The following GRIK2 variants were observed in gnomAD, a reference collection of about 807,000 sequenced individuals.
The protein encoded by GRIK2 is glutamate ionotropic receptor kainate type subunit 2.
GRIK2 carries 32 observed loss-of-function variants against 100.3 expected under a neutral mutation model. The observed-to-expected ratio is 0.32, with a 90% CI of 0.24 to 0.43. The LOEUF (loss-of-function observed/expected upper bound fraction) is 0.43, where lower values mean the gene tolerates loss of function less well. Among genes scored for constraint, GRIK2 ranks in the 20% least tolerant of loss-of-function variants. The pLI is 1.00. For missense variants in GRIK2, 843 were observed against 1,114.9 expected (o/e 0.76, Z 3.47); for synonymous variants, 417 against 389.4 (o/e 1.07, Z -0.83).
At chr6:101,584,373 C>A (rs1361053759) in intron 2 of GRIK2, among the ~76,000 whole-genome samples, 2 of 151,940 alleles carry the variant, frequency 1.3e-5, no homozygotes, top group Non-Finnish European at 2.9e-5. Context: ...AAAATCAATT[C>A]TCAGGTTTTC....
chr6:101,591,655 T>C (rs1169925510), intron 2 of GRIK2, among the ~76,000 whole-genome samples: 2 of 152,026 alleles, frequency 1.3e-5, no homozygotes, highest in Non-Finnish European at 2.9e-5. Flanking sequence ...ACAGTGATGT[T>C]AACAATAAGA....
chr6:101,812,031 A>C (rs1187760103), intron 9 of GRIK2, among the ~76,000 whole-genome samples: 1 of 151,496 alleles, frequency 6.6e-6, no homozygotes, highest in Non-Finnish European at 1.5e-5. Flanking sequence ...TATTTAAAAT[A>C]CTTATAAAAT....
At chr6:101,760,688 A>T (rs866224043) in intron 7 of GRIK2, among the ~76,000 whole-genome samples, 2 of 70,326 alleles carry the variant, frequency 2.8e-5, no homozygotes, top group Non-Finnish European at 4.3e-5. Flanking sequence ...ATTTAATTAT[A>T]TATAATTATA....
At chr6:101,984,796 C>T (rs1793927128) in intron 14 of GRIK2, among the ~76,000 whole-genome samples, 1 of 151,586 alleles carries the variant, frequency 6.6e-6, no homozygotes, top group Admixed American at 6.6e-5. Flanking sequence ...CTATATCGGA[C>T]CCCAATAATG....
intron 5 of GRIK2, among the ~76,000 whole-genome samples, chr6:101,680,654 T>C (rs1771175178): frequency 6.6e-6 from 1 of 152,190 alleles, no homozygotes; most frequent in Non-Finnish European, 1.5e-5. Flanking sequence ...CAATTACCTT[T>C]ATCTCTAGTT....
In GRIK2 at chr6:101,952,770, T is replaced by A. The variant is rs7757395; in HGVS notation, c.2085+24138T>A. 2.1e-3 allele frequency among the ~76,000 whole-genome samples: 316 copies of A among 152,106 alleles called. 1 individual carries two copies. The highest frequency in any genetic ancestry group is 7.3e-3 in the African/African-American group (304 of 41,498). On this transcript the variant is annotated intron_variant, in intron 14 of 16. Coordinates refer to ENST00000369134, the MANE Select transcript of GRIK2 (RefSeq NM_021956.5). ...GGTGCCCGCCACCACACCCAGCTAA[T>A]TTTTTGTATTTTTAGTAGAGACGGG...
rs563286702 is a variant in GRIK2 at position 101,854,254 on chromosome 6, A to G, written c.1318-5033A>G. Among the ~76,000 whole-genome samples, 7 of 152,090 alleles carry G rather than the reference A, an allele frequency of 4.6e-5. No individual in the cohort carries two copies. In the South Asian group the frequency reaches 1.0e-3, roughly 23 times the overall value. On this transcript the variant is annotated intron_variant, in intron 10 of 16. Coordinates refer to ENST00000369134, the MANE Select transcript of GRIK2 (RefSeq NM_021956.5). Reference sequence around the variant, plus strand: ...TGAACCTAAAATTGCTAGAAAAATTAAGTCTATTAATTAATTAATTAATTT... The same window carrying G: ...TGAACCTAAAATTGCTAGAAAAATTGAGTCTATTAATTAATTAATTAATTT...
chr6:101,538,889 C>T (rs1775854196), intron 2 of GRIK2, among the ~76,000 whole-genome samples: 1 of 151,674 alleles, frequency 6.6e-6, no homozygotes, highest in South Asian at 2.1e-4. Context: ...CCTTTGTCAG[C>T]TTAGAATTCC....
chr6:102,043,274 T>TTATC (rs57279645), intron 15 of GRIK2, among the ~76,000 whole-genome samples: 47,827 of 151,472 alleles, frequency 0.32, 7,546 homozygotes, highest in African/African-American at 0.36. Context: ...CCTCAGATAC[T>TTATC]TTTTTATGGT....
At position 101,527,063 on chromosome 6, in the gene GRIK2, C is replaced by G. The variant is rs889641930; in HGVS notation, c.116-94886C>G. Among the ~76,000 whole-genome samples, 5 of 152,164 alleles carry G rather than the reference C, an allele frequency of 3.3e-5. No individual in the cohort carries two copies. In the East Asian group the frequency reaches 9.6e-4, roughly 29 times the overall value. On this transcript the variant is annotated intron_variant, in intron 2 of 16. Transcript: ENST00000369134. ...GCTTCCAGCAAAGTCTGGCCCTACC[C>G]TTTCAGAGAGTGGACAGATTATAAA...
intron 14 of GRIK2, 124 bp from the exon 15 acceptor site, chr6:102,035,217 C>A (rs1167514805): frequency 8.0e-5 from 23 of 286,356 alleles, no homozygotes; most frequent in South Asian, 1.5e-4. Context: ...ATATATATTC[C>A]TTAAAAATTA....
At chr6:101,631,741 C>T (rs1046444134) in intron 4 of GRIK2, among the ~76,000 whole-genome samples, 4 of 151,990 alleles carry the variant, frequency 2.6e-5, no homozygotes, top group Non-Finnish European at 2.9e-5. Context: ...TTTTCCTACC[C>T]CCTACCACTT....
intron 11 of GRIK2, among the ~76,000 whole-genome samples, chr6:101,876,486 C>CAG (rs750350517): frequency 0.037 from 664 of 17,852 alleles, 4 homozygotes; most frequent in South Asian, 0.13. Context: ...CAAAAACAAA[C>CAG]ACACACACAC....
intron 14 of GRIK2, among the ~76,000 whole-genome samples, chr6:102,033,106 AC>A (rs1248127203): frequency 1.3e-5 from 2 of 151,312 alleles, no homozygotes; most frequent in African/African-American, 4.8e-5. Context: ...TAAAAGGGGT[AC>A]AAAAATACCT....
At chr6:101,661,699 C>A (rs926959471) in intron 4 of GRIK2, among the ~76,000 whole-genome samples, 1 of 152,136 alleles carries the variant, frequency 6.6e-6, no homozygotes, top group African/African-American at 2.4e-5. Flanking sequence ...ACAGCACAGT[C>A]TCTCATGGCT....
chr6:102,057,064 A>G lies in GRIK2; in HGVS notation c.2562+1484A>G, dbSNP rs76170268. Among the ~76,000 whole-genome samples the G allele has an allele frequency of 5.3e-4, 80 of 152,152 alleles. 1 individual carries two copies. The East Asian group carries it at 0.014, about 27-fold the overall frequency. ...CAAAATGAACTTTGAAACTAAATCT[A>G]AAGAGCTAACCAAAGAAGAAATATT... On this transcript the variant is annotated intron_variant, in intron 16 of 16. Transcript: ENST00000369134.
chr6:102,018,076 G>A (rs918059407), intron 14 of GRIK2, among the ~76,000 whole-genome samples: 2 of 152,076 alleles, frequency 1.3e-5, no homozygotes, highest in African/African-American at 4.8e-5. Context: ...ATTCTAGTAT[G>A]CCTTGTAACT....
chr6:101,958,156 T>C (rs1792057363), intron 14 of GRIK2, among the ~76,000 whole-genome samples: 1 of 152,048 alleles, frequency 6.6e-6, no homozygotes, highest in Admixed American at 6.6e-5. Context: ...AGAATGTTTT[T>C]CCATTCATTT....
intron 14 of GRIK2, among the ~76,000 whole-genome samples, chr6:102,009,991 G>T (rs968669751): frequency 6.6e-6 from 1 of 151,946 alleles, no homozygotes; most frequent in Non-Finnish European, 1.5e-5. Flanking sequence ...GAAAACTTAA[G>T]CAACATGTAT....
Sources: allele counts gnomAD v4.1 joint callset (sites outside exome capture counted in the v4.1 genomes callset), GRCh38; gene constraint gnomAD v4.1.1; transcripts MANE v1.5; gene names NCBI Gene and HGNC (gene_info 2026-07-23, HGNC 2026-07-21).